PXN: variants seen among roughly 807,000 people sequenced by gnomAD.
The protein encoded by PXN is paxillin.
A neutral mutation model predicts 103.6 loss-of-function variants in PXN; 61 were observed. That is an observed-to-expected ratio of 0.59 (90% CI 0.48 to 0.73). PXN has a LOEUF of 0.73. Among genes scored for constraint, PXN ranks in the 30% least tolerant of loss-of-function variants. The pLI is 0.00. For missense variants in PXN, 1,274 were observed against 1,460.3 expected, an observed-to-expected ratio of 0.87 and a Z score of 2.08; for synonymous variants, 562 against 607.8, an observed-to-expected ratio of 0.92 and a Z score of 1.11.
intron 1 of PXN, among the ~76,000 whole-genome samples, chr12:120,254,698 G>A (rs1474857741): frequency 6.6e-6 from 1 of 151,914 alleles, no homozygotes; most frequent in African/African-American, 2.4e-5. Context: ...TTACAGGCAC[G>A]TGCCACCACG....
At chr12:120,253,143 A>G (rs953739792) in intron 1 of PXN, among the ~76,000 whole-genome samples, 2 of 152,162 alleles carry the variant, frequency 1.3e-5, no homozygotes, top group South Asian at 2.1e-4. Flanking sequence ...TGACCCGTAG[A>G]TTTCTGATTT....
At chr12:120,248,296 A>G (rs1891520201) in intron 1 of PXN, among the ~76,000 whole-genome samples, 2 of 152,006 alleles carry the variant, frequency 1.3e-5, no homozygotes, top group Non-Finnish European at 2.9e-5. Flanking sequence ...TCCTCTGTCC[A>G]CAGCCCCTAG....
At chr12:120,233,382 C>CT (rs1374009158) in intron 1 of PXN, among the ~76,000 whole-genome samples, 3 of 152,142 alleles carry the variant, frequency 2.0e-5, no homozygotes, top group Non-Finnish European at 4.4e-5. Flanking sequence ...TCTCAGCTCA[C>CT]TGCAGCCTCC....
In PXN at chr12:120,228,586, G is replaced by A. The variant is rs765828102; in HGVS notation, c.14-4209C>T. 3.9e-5 allele frequency among the ~76,000 whole-genome samples: 6 copies of A among 152,186 alleles called. No homozygotes were observed. Among genetic ancestry groups the A allele is most frequent in the Non-Finnish European group, 7.4e-5 (5 of 68,026 alleles). ...CGTGCAATCTTGCAATTTTCTAGCC[G>A]GGGAAGACTGGGGAGCCCCTGGCCA... On this transcript the variant is annotated intron_variant, in intron 1 of 14. Coordinates refer to ENST00000637617, the MANE Select transcript of PXN (RefSeq NM_001385981.1). The surrounding 1 kb of genome is among the most constrained non-coding windows in gnomAD (Gnocchi z 4.7).
At position 120,212,098 on chromosome 12, in the gene PXN, A is replaced by C; in HGVS notation, c.*216T>G. 1 of 778,102 alleles carries C rather than the reference A, an allele frequency of 1.3e-6. No homozygotes were observed. The highest frequency in any genetic ancestry group is 2.3e-6 in the Non-Finnish European group (1 of 439,774). 48.2% of individuals were successfully genotyped at this position (778,102 alleles called of 1,614,324 possible). A position where few individuals can be genotyped will look rare whatever the true frequency, so the allele number is the denominator to read the frequency against. On this transcript the variant is annotated 3_prime_UTR_variant, in exon 15 of 15. Transcript: ENST00000637617. This position sits in a 1 kb window ranked among gnomAD's most constrained non-coding sequence, Gnocchi z 7.2. The stretch of plus-strand genomic sequence containing the variant: ...AGGATGGAGAGTGGGCAGCCTAGGG[A>C]GAGCTACAGGAGGGAGGAGGGGGCC...
At chr12:120,237,197 T>C (rs1889250957) in intron 1 of PXN, among the ~76,000 whole-genome samples, 1 of 148,796 alleles carries the variant, frequency 6.7e-6, no homozygotes, top group Non-Finnish European at 1.5e-5. Flanking sequence ...TCACTTCTAT[T>C]GCCCAGGCTG....
At chr12:120,240,603 C>T (rs1381558098) in intron 1 of PXN, among the ~76,000 whole-genome samples, 4 of 152,176 alleles carry the variant, frequency 2.6e-5, no homozygotes, top group Non-Finnish European at 5.9e-5. Context: ...CCCCTGCATT[C>T]GTGGTGTGGG....
intron 1 of PXN, among the ~76,000 whole-genome samples, chr12:120,257,149 C>G (rs569401648): frequency 2.6e-5 from 4 of 152,188 alleles, no homozygotes; most frequent in South Asian, 2.1e-4. Flanking sequence ...GTTCCACCCC[C>G]CTTGCTCCAG....
rs1246081182 is a variant in PXN at position 120,224,203 on chromosome 12, A to G, written c.188T>C (p.Leu63Pro). ...GGGCTGCCACTGGTCTAAGGGGTCA[A>G]GGATTGTGCCATTGAGGGCCTCGCT... ...PSSEALNGTI[L>P]DPLDQWQPSS... The change falls in exon 2 of 15, where the codon CTT becomes CCT. Residue 63 changes from leucine (L) to proline (P), a missense_variant. Physicochemically the swap from Leu to Pro is moderately conservative, Grantham distance 98. This residue lies in a region of PXN where 1,178 missense variants were observed against 1,309.0 expected (regional missense o/e 0.90). Coordinates refer to ENST00000637617, the MANE Select transcript of PXN (RefSeq NM_001385981.1). The surrounding 1 kb of genome is among the most constrained non-coding windows in gnomAD (Gnocchi z 5.0). 1 of 1,599,258 alleles carries G rather than the reference A, an allele frequency of 6.3e-7. No homozygotes were observed. The highest frequency in any genetic ancestry group is 1.7e-5 in the Admixed American group (1 of 59,208).
At chr12:120,248,173 G>C (rs1891491162) in intron 1 of PXN, among the ~76,000 whole-genome samples, 1 of 152,112 alleles carries the variant, frequency 6.6e-6, no homozygotes, top group Non-Finnish European at 1.5e-5. Flanking sequence ...GAGGTGAAGA[G>C]CAGGAGGACA....
At chr12:120,245,787 CAAAAAAAA>C (rs1267541953) in intron 1 of PXN, among the ~76,000 whole-genome samples, 1 of 45,172 alleles carries the variant, frequency 2.2e-5, no homozygotes, top group Non-Finnish European at 4.6e-5. Flanking sequence ...GACTCCATCT[CAAAAAAAA>C]AAAAAAAAAA....
At chr12:120,232,480 A>G (rs1888246166) in intron 1 of PXN, among the ~76,000 whole-genome samples, 1 of 152,216 alleles carries the variant, frequency 6.6e-6, no homozygotes, top group South Asian at 2.1e-4. Flanking sequence ...TTTCAGGTCA[A>G]GTCCAGGGCC....
chr12:120,255,905 C>T (rs1284494830), intron 1 of PXN, among the ~76,000 whole-genome samples: 5 of 119,988 alleles, frequency 4.2e-5, no homozygotes. Flanking sequence ...CAAAATTAGC[C>T]AGGTATGGTG....
chr12:120,251,076 G>A (rs1357720934), intron 1 of PXN, among the ~76,000 whole-genome samples: 1 of 152,052 alleles, frequency 6.6e-6, no homozygotes, highest in Non-Finnish European at 1.5e-5. Flanking sequence ...GTGATGGCAG[G>A]TGCCTGTGAT....
rs1404496705 is a variant in PXN, at chr12:120,221,382, C to G, written c.831+241G>C. 6.6e-6 allele frequency among the ~76,000 whole-genome samples: 1 copy of G among 152,166 alleles called. No homozygotes were observed. Among genetic ancestry groups the G allele is most frequent in the Non-Finnish European group, 1.5e-5 (1 of 68,032 alleles). On this transcript the variant is annotated intron_variant, in intron 6 of 14. Coordinates refer to ENST00000637617, the MANE Select transcript of PXN (RefSeq NM_001385981.1). This position sits in a 1 kb window ranked among gnomAD's most constrained non-coding sequence, Gnocchi z 6.6. ...ACCCAGGGAGGAAGGAATGTCCCAGCTGAGCACTTCTCCAGCTTGTCTGCC... is the reference window on the plus strand; with the variant it reads ...ACCCAGGGAGGAAGGAATGTCCCAGGTGAGCACTTCTCCAGCTTGTCTGCC...
In PXN at chr12:120,225,053, C is replaced by G. The variant is rs1886466476; in HGVS notation, c.14-676G>C. 1 of 260,234 alleles carries G rather than the reference C, an allele frequency of 3.8e-6. No homozygotes were observed. The highest frequency in any genetic ancestry group is 3.9e-5 in the South Asian group (1 of 25,664). The allele number at this position is 260,234 out of a possible 1,614,324, so 16.1% of individuals were successfully genotyped here. A position where few individuals can be genotyped will look rare whatever the true frequency, so the allele number is the denominator to read the frequency against. Reference sequence around the variant, plus strand: ...GTTTCTGCGGAAGTCTGGCAAGCAGCCCGGCCCCAGAGGCTCCAGGCCCCC... The same window carrying G: ...GTTTCTGCGGAAGTCTGGCAAGCAGGCCGGCCCCAGAGGCTCCAGGCCCCC... On this transcript the variant is annotated intron_variant, in intron 1 of 14. Transcript: ENST00000637617. This position sits in a 1 kb window ranked among gnomAD's most constrained non-coding sequence, Gnocchi z 4.4.
chr12:120,212,417 T>C lies in PXN; in HGVS notation c.3143A>G (p.His1048Arg). 1 of 1,613,974 alleles carries C rather than the reference T, an allele frequency of 6.2e-7. No individual in the cohort carries two copies. Residue 1048 changes from histidine (H) to arginine (R), a missense_variant, in exon 15 of 15, where the codon CAC (histidine) becomes CGC (arginine). Around this residue, in one of 2 missense-constraint regions of PXN, gnomAD observed 96 missense variants for 151.3 expected, o/e 0.63. Coordinates refer to ENST00000637617, the MANE Select transcript of PXN (RefSeq NM_001385981.1). The surrounding 1 kb of genome is among the most constrained non-coding windows in gnomAD (Gnocchi z 7.2). The part of the protein sequence containing the change: ...TAMAKKFHPE[H>R]FVCAFCLKQL... ...CTTGAGGCAGAAGGCACAGACGAAG[T>C]GCTCGGGGTGGAACTTCTTGGCCAT... is the stretch of plus-strand genomic sequence containing the variant.
chr12:120,249,303 T>C (rs1891755680), intron 1 of PXN, among the ~76,000 whole-genome samples: 1 of 151,794 alleles, frequency 6.6e-6, no homozygotes, highest in Admixed American at 6.6e-5. Context: ...CATCCTAAGG[T>C]TCCTTCCAGC....
intron 1 of PXN, among the ~76,000 whole-genome samples, chr12:120,230,364 T>C (rs1429661971): frequency 6.6e-6 from 1 of 152,166 alleles, no homozygotes; most frequent in Non-Finnish European, 1.5e-5. Context: ...GTCTATCCTG[T>C]TGGGTCCAGA....
Sources: allele counts gnomAD v4.1 joint callset (sites outside exome capture counted in the v4.1 genomes callset), GRCh38; gene constraint gnomAD v4.1.1; regional missense constraint gnomAD v4.1.1; non-coding constraint Gnocchi (gnomAD v3.1); transcripts MANE v1.5; gene names NCBI Gene and HGNC (gene_info 2026-07-23, HGNC 2026-07-21).